The following CTNNA3 variants were observed in gnomAD, a reference collection of about 807,000 sequenced individuals.
The protein encoded by CTNNA3 is catenin alpha 3, also known as catenin alpha-3.
CTNNA3 carries 76 observed loss-of-function variants against 95.7 expected under a neutral mutation model. That is an observed-to-expected ratio of 0.79 (90% CI 0.66 to 0.96). The LOEUF (loss-of-function observed/expected upper bound fraction) is 0.96. Among genes scored for constraint, CTNNA3 ranks in the 40% least tolerant of loss-of-function variants. CTNNA3 has a pLI of 0.00. For missense variants in CTNNA3, 1,191 were observed against 1,089.8 expected, an observed-to-expected ratio of 1.09 and a Z score of -1.31; for synonymous variants, 431 against 374.4, an observed-to-expected ratio of 1.15 and a Z score of -1.74.
intron 5 of CTNNA3, among the ~76,000 whole-genome samples, chr10:67,379,153 A>G (rs748785418): frequency 6.6e-6 from 1 of 152,236 alleles, no homozygotes; most frequent in Non-Finnish European, 1.5e-5. Context: ...TTAAAACATA[A>G]TATTACATTA....
At chr10:66,622,826 T>G (rs1380755464) in intron 9 of CTNNA3, among the ~76,000 whole-genome samples, 1 of 152,176 alleles carries the variant, frequency 6.6e-6, no homozygotes, top group Non-Finnish European at 1.5e-5. Flanking sequence ...GATCACTATT[T>G]TAAAAGTACC....
Position 66,978,956 on chromosome 10 carries a change from T to C in CTNNA3, c.1047+201361A>G, listed in dbSNP as rs541059529. On this transcript the variant is annotated intron_variant, in intron 7 of 17. Transcript: ENST00000433211. ...TAAATAGCCACTCCTCACATACTTA[T>C]TTCCTTTTTTTTTTTTTTTTTTTTT... Among the ~76,000 whole-genome samples, 3 of 143,800 alleles carry C rather than the reference T, an allele frequency of 2.1e-5. No homozygotes were observed. The East Asian group carries it at 6.8e-4, about 33-fold the overall frequency. The allele number at this position is 143,800 out of a possible 152,430, so 94.3% of individuals were successfully genotyped here.
chr10:66,363,497 T>G (rs952239264), intron 12 of CTNNA3, among the ~76,000 whole-genome samples: 1 of 152,188 alleles, frequency 6.6e-6, no homozygotes, highest in Non-Finnish European at 1.5e-5. Context: ...ATGCTGATGA[T>G]GCTGGCACCC....
At chr10:66,709,722 A>G (rs922625580) in intron 9 of CTNNA3, among the ~76,000 whole-genome samples, 11 of 152,226 alleles carry the variant, frequency 7.2e-5, no homozygotes, top group African/African-American at 2.4e-4. Flanking sequence ...TCTTATACGT[A>G]GGTGACACAC....
chr10:67,515,340 T>C (rs1409029954), intron 5 of CTNNA3, among the ~76,000 whole-genome samples: 1 of 152,204 alleles, frequency 6.6e-6, no homozygotes, highest in East Asian at 1.9e-4. Flanking sequence ...CAGGATGACC[T>C]TGCATGATGC....
At chr10:67,127,201 T>C (rs371684635) in intron 7 of CTNNA3, among the ~76,000 whole-genome samples, 2 of 152,344 alleles carry the variant, frequency 1.3e-5, no homozygotes, top group South Asian at 2.1e-4. Context: ...GTAGATTCTA[T>C]CCTATCTAGT....
At chr10:66,333,370 T>C (rs932507208) in intron 12 of CTNNA3, among the ~76,000 whole-genome samples, 4 of 151,972 alleles carry the variant, frequency 2.6e-5, no homozygotes, top group East Asian at 3.9e-4. Context: ...GCCTTTAGTG[T>C]TATAAATTTC....
intron 2 of CTNNA3, among the ~76,000 whole-genome samples, chr10:67,621,650 G>A (rs1843848895): frequency 6.6e-6 from 1 of 151,832 alleles, no homozygotes; most frequent in Non-Finnish European, 1.5e-5. Flanking sequence ...TCAGGAGGCT[G>A]AGGCAGAAGA....
At chr10:66,737,786 G>A (rs909465118) in intron 9 of CTNNA3, among the ~76,000 whole-genome samples, 1 of 151,876 alleles carries the variant, frequency 6.6e-6, no homozygotes, top group African/African-American at 2.4e-5. Flanking sequence ...CAACTCCTGA[G>A]TAGCTGGGAT....
At chr10:66,231,068 G>A (rs1419119979) in intron 13 of CTNNA3, among the ~76,000 whole-genome samples, 1 of 152,082 alleles carries the variant, frequency 6.6e-6, no homozygotes. Context: ...AGGTGAAGAG[G>A]ACCCAATGTG....
chr10:67,526,148 C>T (rs1840137655), intron 4 of CTNNA3, among the ~76,000 whole-genome samples: 1 of 151,968 alleles, frequency 6.6e-6, no homozygotes, highest in Admixed American at 6.6e-5. Flanking sequence ...TAAGAAATAG[C>T]TAATCTACCT....
chr10:67,176,840 T>C (rs1368574746), intron 7 of CTNNA3: 1 of 440,518 alleles, frequency 2.3e-6, no homozygotes, highest in Non-Finnish European at 4.5e-6. Context: ...CAGAGGGCCA[T>C]GAGCCAAGGA....
At chr10:66,769,981 T>C (rs1014417290) in intron 8 of CTNNA3, among the ~76,000 whole-genome samples, 1 of 152,204 alleles carries the variant, frequency 6.6e-6, no homozygotes, top group Non-Finnish European at 1.5e-5. Context: ...CAGGTACCTT[T>C]GTCTGGTATT....
At chr10:67,624,480 T>A (rs7075084) in intron 2 of CTNNA3, among the ~76,000 whole-genome samples, 20,201 of 152,160 alleles carry the variant, frequency 0.13, 2,409 homozygotes, top group African/African-American at 0.32. Context: ...GTATATAAGC[T>A]TCTGTACCCG....
At chr10:66,742,822 C>T (rs1849372614) in intron 9 of CTNNA3, among the ~76,000 whole-genome samples, 1 of 152,182 alleles carries the variant, frequency 6.6e-6, no homozygotes, top group Non-Finnish European at 1.5e-5. Flanking sequence ...ATTTGTTTGA[C>T]ATTTTTACCT....
chr10:66,641,700 A>T (rs887419360), intron 9 of CTNNA3, among the ~76,000 whole-genome samples: 1 of 152,134 alleles, frequency 6.6e-6, no homozygotes, highest in Non-Finnish European at 1.5e-5. Context: ...TCTTAATATT[A>T]GTTTGTCAGG....
intron 1 of CTNNA3, among the ~76,000 whole-genome samples, chr10:67,688,946 G>A (rs990748708): frequency 2.0e-5 from 3 of 152,140 alleles, no homozygotes; most frequent in Non-Finnish European, 2.9e-5. Context: ...AAAGAGGACC[G>A]AGGAAGGTCA....
intron 2 of CTNNA3, among the ~76,000 whole-genome samples, chr10:67,631,616 T>A: frequency 6.6e-6 from 1 of 152,188 alleles, no homozygotes. Context: ...CTTAAAGACA[T>A]GAACTTCTTT....
intron 7 of CTNNA3, among the ~76,000 whole-genome samples, chr10:67,135,139 C>A (rs951507945): frequency 6.6e-6 from 1 of 151,950 alleles, no homozygotes; most frequent in African/African-American, 2.4e-5. Context: ...TCTAGAGATA[C>A]AGAGAATGAA....
Sources: gnomAD v4.1 joint callset for allele counts (sites outside exome capture counted in the v4.1 genomes callset) on GRCh38, gnomAD v4.1.1 for gene constraint, MANE v1.5 for transcripts, NCBI Gene and HGNC (gene_info 2026-07-23, HGNC 2026-07-21) for gene names.